Variants in TAS2R1 observed in about 807,000 individuals in gnomAD.
TAS2R1 encodes taste receptor type 2 member 1.
For synonymous variants in TAS2R1, 141 were observed against 134.2 expected (o/e 1.05, Z -0.35); for missense variants, 370 against 353.4 (o/e 1.05, Z -0.38).
chr5:9,830,980 T>A, the TAS2R1 span, among the ~76,000 whole-genome samples: 1 of 152,306 alleles, frequency 6.6e-6, no homozygotes, highest in African/African-American at 2.4e-5. Context: ...TAAAAAATCA[T>A]CTCATGCTTG....
At chr5:9,755,768 G>A in the TAS2R1 span, among the ~76,000 whole-genome samples, 2 of 152,252 alleles carry the variant, frequency 1.3e-5, no homozygotes, top group South Asian at 4.2e-4. Context: ...TCCCAGAACT[G>A]AGGGTTTCTC....
intron 2 of TAS2R1, among the ~76,000 whole-genome samples, chr5:9,639,388 G>C (rs1036531514): frequency 6.6e-6 from 1 of 152,160 alleles, no homozygotes; most frequent in Admixed American, 6.5e-5. Flanking sequence ...CTGTGATCTG[G>C]ATTTTCAGAT....
chr5:9,902,461 T>A, the TAS2R1 span, among the ~76,000 whole-genome samples: 1 of 152,032 alleles, frequency 6.6e-6, no homozygotes, highest in Non-Finnish European at 1.5e-5. Context: ...TCTTCTAAAA[T>A]TTGGCTTTCA....
chr5:9,721,041 C>T, the TAS2R1 span, among the ~76,000 whole-genome samples: 11 of 152,180 alleles, frequency 7.2e-5, no homozygotes, highest in African/African-American at 2.2e-4. Flanking sequence ...AACTGCGAGA[C>T]GCGAGGTTTC....
At chr5:9,903,556 T>A in the TAS2R1 span, 1 of 152,062 alleles carries the variant, frequency 6.6e-6, no homozygotes, top group Non-Finnish European at 1.5e-5. Flanking sequence ...CTCCTACTGA[T>A]GAGTGAGAAC....
the TAS2R1 span, among the ~76,000 whole-genome samples, chr5:9,718,968 T>C: frequency 1.7e-4 from 26 of 152,342 alleles, 1 homozygote; most frequent in South Asian, 1.7e-3. Flanking sequence ...CTAAATGCCA[T>C]GCCCAATTCT....
At chr5:9,660,923 G>T (rs893468280) in intron 1 of TAS2R1, among the ~76,000 whole-genome samples, 2 of 152,142 alleles carry the variant, frequency 1.3e-5, no homozygotes, top group African/African-American at 4.8e-5. Context: ...CAGCCAGCAA[G>T]CAAATAGGGA....
chr5:9,833,163 G>C, the TAS2R1 span, among the ~76,000 whole-genome samples: 33 of 152,296 alleles, frequency 2.2e-4, no homozygotes, highest in African/African-American at 7.9e-4. Context: ...AAGCAGCCAG[G>C]TATGCATTTG....
At chr5:9,861,037 G>GGTTTTTTTTTTTTTT in the TAS2R1 span, among the ~76,000 whole-genome samples, 3 of 88,612 alleles carry the variant, frequency 3.4e-5, no homozygotes, top group African/African-American at 1.3e-4. Context: ...GGAAGATGAG[G>GGTTTTTTTTTTTTTT]TTTTTTTTTT....
At chr5:9,874,082 G>C in the TAS2R1 span, among the ~76,000 whole-genome samples, 1 of 151,912 alleles carries the variant, frequency 6.6e-6, no homozygotes, top group Non-Finnish European at 1.5e-5. Context: ...GTTTATTTTA[G>C]GACATCAAAT....
At chr5:9,738,823 C>A in the TAS2R1 span, among the ~76,000 whole-genome samples, 208 of 152,148 alleles carry the variant, frequency 1.4e-3, no homozygotes, top group Admixed American at 2.9e-3. Context: ...AGTCTCAAGG[C>A]AACACCCAAA....
chr5:9,792,534 G>A, the TAS2R1 span, among the ~76,000 whole-genome samples: 39 of 152,256 alleles, frequency 2.6e-4, no homozygotes, highest in African/African-American at 9.4e-4. Flanking sequence ...TTACTTGCAC[G>A]GCAGCTATTG....
At chr5:9,821,789 A>G in the TAS2R1 span, among the ~76,000 whole-genome samples, 1 of 152,220 alleles carries the variant, frequency 6.6e-6, no homozygotes, top group African/African-American at 2.4e-5. Context: ...ATTTTCAATA[A>G]AAAGAGAGAT....
intron 1 of TAS2R1, among the ~76,000 whole-genome samples, chr5:9,710,279 T>C (rs978494207): frequency 1.3e-5 from 2 of 151,482 alleles, no homozygotes; most frequent in Non-Finnish European, 2.9e-5. Flanking sequence ...CTCCAACTTA[T>C]CGAGTGCCCT....
intron 1 of TAS2R1, among the ~76,000 whole-genome samples, chr5:9,679,924 TATC>T (rs1740961828): frequency 6.6e-6 from 1 of 152,214 alleles, no homozygotes; most frequent in Non-Finnish European, 1.5e-5. Context: ...TAGGTTCTAA[TATC>T]ATTCTCCAGT....
chr5:9,780,333 T>C, the TAS2R1 span, among the ~76,000 whole-genome samples: 2 of 152,240 alleles, frequency 1.3e-5, no homozygotes, highest in Non-Finnish European at 2.9e-5. Context: ...TCCACTGCAC[T>C]GAAAGGTTCC....
the TAS2R1 span, among the ~76,000 whole-genome samples, chr5:9,848,795 C>A: frequency 6.6e-6 from 1 of 152,068 alleles, no homozygotes; most frequent in Admixed American, 6.6e-5. Flanking sequence ...AAAGAAAATT[C>A]ATTACAACAT....
intron 1 of TAS2R1, among the ~76,000 whole-genome samples, chr5:9,688,307 C>T (rs963491838): frequency 6.6e-6 from 1 of 151,962 alleles, no homozygotes; most frequent in African/African-American, 2.4e-5. Flanking sequence ...ATCCTCAGCG[C>T]TCCCCCCCTC....
intron 1 of TAS2R1, among the ~76,000 whole-genome samples, chr5:9,692,371 C>G (rs546646649): frequency 1.3e-5 from 2 of 152,322 alleles, no homozygotes; most frequent in East Asian, 3.9e-4. Context: ...CCATGTGCTA[C>G]ACAATCATAT....
Sources: allele counts gnomAD v4.1 joint callset (sites outside exome capture counted in the v4.1 genomes callset), GRCh38; gene constraint gnomAD v4.1.1; transcripts MANE v1.5; gene names NCBI Gene and HGNC (gene_info 2026-07-23, HGNC 2026-07-21).